GCNT2: variants seen among roughly 807,000 people sequenced by gnomAD.
GCNT2 encodes the protein glucosaminyl (N-acetyl) transferase 2 (I blood group), also known as N-acetyllactosaminide beta-1,6-N-acetylglucosaminyl-transferase.
In GCNT2, 34 loss-of-function variants were observed where a neutral mutation model predicts 34.2. That is an observed-to-expected ratio of 1.00 (90% CI 0.76 to 1.32). The LOEUF (loss-of-function observed/expected upper bound fraction) is 1.32, where lower values mean the gene tolerates loss of function less well. Ranked by LOEUF, GCNT2 falls within the 40% of genes most tolerant of loss-of-function variation. The probability of loss-of-function intolerance (pLI) is 0.00; values close to 1 mark genes in which losing one functional copy is unlikely to be tolerated. For synonymous variants in GCNT2, 212 were observed against 188.0 expected (o/e 1.13, Z -1.04); for missense variants, 584 against 489.4 (o/e 1.19, Z -1.82).
At chr6:10,557,077 G>A in intron 3 of GCNT2, 1 of 1,595,126 alleles carries the variant, frequency 6.3e-7, no homozygotes, top group Non-Finnish European at 8.5e-7. Context: ...CAGGGGTGCT[G>A]CCCCCAGCTC....
chr6:10,529,237 C>T lies in GCNT2; in HGVS notation c.326C>T (p.Thr109Ile), dbSNP rs780980234. ...YTVTIHKDFG[T>I]FERLFRAIYM... Reference sequence around the variant, plus strand: ...GTGACCATCCACAAAGACTTCGGCACTTTTGAGAGGCTCTTCAGGGCGATT... The same window carrying T: ...GTGACCATCCACAAAGACTTCGGCATTTTTGAGAGGCTCTTCAGGGCGATT... The change falls in exon 3 of 5, where the codon ACT becomes ATT. Residue 109 changes from threonine to isoleucine, a missense_variant. Physicochemically the swap from Thr to Ile is moderately conservative, Grantham distance 89. Transcript: ENST00000495262. 1 of 1,614,196 alleles carries T rather than the reference C, an allele frequency of 6.2e-7. No individual in the cohort carries two copies. Among genetic ancestry groups the T allele is most frequent in the East Asian group, 2.2e-5 (1 of 44,886 alleles).
chr6:10,552,685 G>T (rs1288446832), intron 3 of GCNT2, among the ~76,000 whole-genome samples: 1 of 152,176 alleles, frequency 6.6e-6, no homozygotes, highest in Non-Finnish European at 1.5e-5. Context: ...TGTATCCTCA[G>T]AGGTCCTGGA....
intron 3 of GCNT2, among the ~76,000 whole-genome samples, chr6:10,546,228 G>A (rs1762258680): frequency 6.6e-6 from 1 of 152,192 alleles, no homozygotes; most frequent in Admixed American, 6.5e-5. Flanking sequence ...GCTGAGAGCA[G>A]CTTTGTCCAT....
chr6:10,534,845 AGTGAGAC>A (rs1761684714), intron 3 of GCNT2, among the ~76,000 whole-genome samples: 1 of 152,116 alleles, frequency 6.6e-6, no homozygotes, highest in African/African-American at 2.4e-5. Flanking sequence ...TGGGCAACAG[AGTGAGAC>A]TCTGTCTCAA....
chr6:10,588,201 G>A (rs1046431972), intron 3 of GCNT2, among the ~76,000 whole-genome samples: 1 of 152,190 alleles, frequency 6.6e-6, no homozygotes, highest in Non-Finnish European at 1.5e-5. Context: ...TTTCAGAGAT[G>A]CTAAACTGTC....
In GCNT2 at chr6:10,610,316, G is replaced by C. The variant is rs901777278; in HGVS notation, c.926-11035G>C. 3.3e-5 allele frequency among the ~76,000 whole-genome samples: 5 copies of C among 152,288 alleles called. No homozygotes were observed. In the East Asian group the frequency reaches 5.8e-4, roughly 18 times the overall value. On this transcript the variant is annotated intron_variant, in intron 3 of 4. Transcript: ENST00000495262. ...TTTTGAAGTATGGCAGGGTTTAGTG[G>C]AGCAAAGAAGGGAACATTCTCAGGC...
chr6:10,539,499 T>C (rs370205742), intron 3 of GCNT2, among the ~76,000 whole-genome samples: 1 of 151,972 alleles, frequency 6.6e-6, no homozygotes, highest in Non-Finnish European at 1.5e-5. Context: ...CCGCCATCTC[T>C]TTAACTTTGG....
At chr6:10,531,874 C>CTT (rs71548846) in intron 3 of GCNT2, among the ~76,000 whole-genome samples, 3,613 of 129,542 alleles carry the variant, frequency 0.028, 91 homozygotes, top group African/African-American at 0.061. Flanking sequence ...CCAATCCCCA[C>CTT]TTTTTTTTTT....
intron 3 of GCNT2, among the ~76,000 whole-genome samples, chr6:10,576,920 C>CAAG (rs1554132720): frequency 2.0e-5 from 3 of 151,304 alleles, no homozygotes; most frequent in Non-Finnish European, 4.4e-5. Context: ...AAAATAATAA[C>CAAG]AATAATAATA....
Position 10,594,684 on chromosome 6 carries a change from A to G in GCNT2, c.926-26667A>G, listed in dbSNP as rs568481171. Among the ~76,000 whole-genome samples the G allele has an allele frequency of 2.1e-4, 32 of 152,336 alleles. No individual in the cohort carries two copies. The South Asian group carries it at 6.6e-3, about 32-fold the overall frequency. ...AACCTACATGTGGTCTTGTGTTCCT[A>G]CACTAATGAGATCCTCAAGGTGTTG... On this transcript the variant is annotated intron_variant, in intron 3 of 4. Coordinates refer to ENST00000495262, the MANE Select transcript of GCNT2 (RefSeq NM_145649.5).
At chr6:10,591,723 C>T (rs1251282633) in intron 3 of GCNT2, among the ~76,000 whole-genome samples, 1 of 152,198 alleles carries the variant, frequency 6.6e-6, no homozygotes, top group African/African-American at 2.4e-5. Flanking sequence ...GGCTTCTTCT[C>T]ACTTAATTTA....
intron 4 of GCNT2, among the ~76,000 whole-genome samples, chr6:10,626,190 G>T (rs563895647): frequency 3.3e-5 from 5 of 152,162 alleles, no homozygotes; most frequent in Admixed American, 3.3e-4. Context: ...TTTATGCCTT[G>T]TATGATTTAA....
intron 3 of GCNT2, among the ~76,000 whole-genome samples, chr6:10,569,983 T>C (rs1159186979): frequency 6.6e-6 from 1 of 150,786 alleles, no homozygotes; most frequent in Non-Finnish European, 1.5e-5. Flanking sequence ...TCTCTTTCTT[T>C]CTTCCTGACA....
chr6:10,527,269 A>T (rs1020625070), intron 1 of GCNT2: 4 of 152,202 alleles, frequency 2.6e-5, no homozygotes, highest in African/African-American at 9.7e-5. Flanking sequence ...TACTAAAAAT[A>T]CAAAAATTAG....
intron 3 of GCNT2, among the ~76,000 whole-genome samples, chr6:10,610,908 T>A (rs1444381196): frequency 6.6e-6 from 1 of 152,094 alleles, no homozygotes; most frequent in African/African-American, 2.4e-5. Context: ...AATTCAGGGG[T>A]TTTCCTCCTT....
chr6:10,622,986 C>G (rs146612246), intron 4 of GCNT2, among the ~76,000 whole-genome samples: 41 of 151,868 alleles, frequency 2.7e-4, no homozygotes, highest in African/African-American at 9.7e-4. Context: ...GTCTCTTGAC[C>G]TCGTGATCTG....
At chr6:10,587,484 A>G (rs1581450118) in intron 3 of GCNT2, among the ~76,000 whole-genome samples, 1 of 152,180 alleles carries the variant, frequency 6.6e-6, no homozygotes, top group Non-Finnish European at 1.5e-5. Flanking sequence ...ATCTAACCTG[A>G]TATTTTAGCC....
In GCNT2 at chr6:10,581,883, A is replaced by G. The variant is rs896466398; in HGVS notation, c.926-39468A>G. On this transcript the variant is annotated intron_variant, in intron 3 of 4. Coordinates refer to ENST00000495262, the MANE Select transcript of GCNT2 (RefSeq NM_145649.5). ...AGTAAGAATGAAGAGACATGAAGGC[A>G]TCAAAATGGGTTATTGGATTGTTCC... The G allele has an allele frequency of 3.7e-5, 36 of 984,714 alleles. No individual in the cohort carries two copies. The African/African-American group carries it at 5.4e-4, about 15-fold the overall frequency. The allele number at this position is 984,714 out of a possible 1,614,324, so 61.0% of individuals were successfully genotyped here.
At chr6:10,579,203 A>T (rs1007414333) in intron 3 of GCNT2, among the ~76,000 whole-genome samples, 3 of 152,182 alleles carry the variant, frequency 2.0e-5, no homozygotes, top group Non-Finnish European at 4.4e-5. Flanking sequence ...TCTTCACAAG[A>T]GGAATATTAA....
Sources: gnomAD v4.1 joint callset for allele counts (sites outside exome capture counted in the v4.1 genomes callset) on GRCh38, gnomAD v4.1.1 for gene constraint, MANE v1.5 for transcripts, NCBI Gene and HGNC (gene_info 2026-07-23, HGNC 2026-07-21) for gene names.